ITPR1: variants seen among roughly 807,000 people sequenced by gnomAD.
ITPR1 encodes the protein inositol 1,4,5-trisphosphate receptor type 1.
A neutral mutation model predicts 318.4 loss-of-function variants in ITPR1; 96 were observed. The observed-to-expected ratio is 0.30, with a 90% confidence interval of 0.26 to 0.36. ITPR1 has a LOEUF of 0.36. Ranked by LOEUF, ITPR1 falls within the 10% of genes least tolerant of loss-of-function variation. The pLI, the probability that ITPR1 is intolerant of heterozygous loss-of-function variation, is 1.00. For synonymous variants in ITPR1, 1,312 were observed against 1,289.9 expected, an observed-to-expected ratio of 1.02 and a Z score of -0.37; for missense variants, 2,440 against 3,460.2, an observed-to-expected ratio of 0.71 and a Z score of 7.40.
At chr3:4,558,560 G>A (rs1235222659) in intron 4 of ITPR1, among the ~76,000 whole-genome samples, 2 of 152,150 alleles carry the variant, frequency 1.3e-5, no homozygotes, top group East Asian at 3.8e-4. Flanking sequence ...AAGAGTTATT[G>A]TAGGTGATGC....
At chr3:4,631,163 C>T (rs1445129757) in intron 5 of ITPR1, among the ~76,000 whole-genome samples, 3 of 152,170 alleles carry the variant, frequency 2.0e-5, no homozygotes, top group Non-Finnish European at 4.4e-5. Flanking sequence ...GAGCTCTCAG[C>T]TCTTTGGGCG....
chr3:4,625,619 T>TCCAC (rs2092798903), intron 4 of ITPR1, among the ~76,000 whole-genome samples: 2 of 151,842 alleles, frequency 1.3e-5, no homozygotes, highest in Admixed American at 1.3e-4. Flanking sequence ...TGCAGTGGTG[T>TCCAC]GATCTCGGCT....
intron 4 of ITPR1, among the ~76,000 whole-genome samples, chr3:4,599,958 A>G (rs1185409190): frequency 6.6e-6 from 1 of 152,094 alleles, no homozygotes; most frequent in East Asian, 1.9e-4. Flanking sequence ...CCTCCTGCCC[A>G]TTGGTTGTCC....
intron 5 of ITPR1, among the ~76,000 whole-genome samples, chr3:4,628,414 C>T (rs547389597): frequency 6.6e-6 from 1 of 152,270 alleles, no homozygotes; most frequent in African/African-American, 2.4e-5. Context: ...GTGCTCATTC[C>T]ACTGCTGACG....
chr3:4,835,319 T>C (rs1270692830), intron 60 of ITPR1, among the ~76,000 whole-genome samples: 1 of 152,244 alleles, frequency 6.6e-6, no homozygotes. Flanking sequence ...TTAAATATAT[T>C]GATGCCTTCT....
intron 44 of ITPR1, among the ~76,000 whole-genome samples, chr3:4,765,748 G>A (rs962539408): frequency 1.3e-5 from 2 of 152,054 alleles, no homozygotes; most frequent in African/African-American, 2.4e-5. Flanking sequence ...GGTGAAAAGC[G>A]AATACTCATA....
At chr3:4,676,201 T>A (rs1395149885) in intron 23 of ITPR1, among the ~76,000 whole-genome samples, 2 of 148,806 alleles carry the variant, frequency 1.3e-5, no homozygotes, top group African/African-American at 2.5e-5. Context: ...AAAAATTAGC[T>A]GGGTGTGGTG....
rs571446091 is a variant in ITPR1 at position 4,654,478 on chromosome 3, G to A, written c.996+592G>A. Among the ~76,000 whole-genome samples the A allele has an allele frequency of 1.3e-4, 20 of 152,300 alleles. No homozygotes were observed. In the East Asian group the frequency reaches 3.1e-3, roughly 24 times the overall value. On this transcript the variant is annotated intron_variant, in intron 12 of 61. Coordinates refer to ENST00000649015, the MANE Select transcript of ITPR1 (RefSeq NM_001378452.1). ...CCATATCGCCAAGTAATGCTGATAC[G>A]TAGACACTTTGGACTTCAGGTGTCC... is the stretch of plus-strand genomic sequence containing the variant.
chr3:4,842,165 G>A (rs543531641), intron 61 of ITPR1, among the ~76,000 whole-genome samples: 6 of 152,208 alleles, frequency 3.9e-5, no homozygotes, highest in African/African-American at 4.8e-5. Flanking sequence ...TGTATGCCTC[G>A]TGTTTTCATG....
chr3:4,766,221 G>A (rs113796051), intron 44 of ITPR1, among the ~76,000 whole-genome samples: 2,594 of 152,268 alleles, frequency 0.017, 44 homozygotes, highest in South Asian at 0.062. Flanking sequence ...GTTGTTTTGC[G>A]TGTGTGCAAG....
chr3:4,831,119 T>TCACACA (rs1473145180), intron 60 of ITPR1: 160 of 272,200 alleles, frequency 5.9e-4, no homozygotes, highest in African/African-American at 9.8e-4. Context: ...TCTCTCTCTC[T>TCACACA]CTCTCTCTCT....
At chr3:4,746,573 G>A (rs2044124195) in intron 44 of ITPR1, among the ~76,000 whole-genome samples, 2 of 152,156 alleles carry the variant, frequency 1.3e-5, no homozygotes, top group African/African-American at 4.8e-5. Context: ...TTCATTTACT[G>A]TAGTAATGAC....
intron 44 of ITPR1, among the ~76,000 whole-genome samples, chr3:4,745,905 A>T (rs971022664): frequency 1.1e-4 from 17 of 152,232 alleles, no homozygotes; most frequent in African/African-American, 4.1e-4. Context: ...GAAGCTTTGC[A>T]GTCATCAGAC....
chr3:4,789,141 C>T (rs1289173445), intron 52 of ITPR1, among the ~76,000 whole-genome samples: 2 of 152,324 alleles, frequency 1.3e-5, no homozygotes, highest in Admixed American at 6.5e-5. Flanking sequence ...TGTACTCTTG[C>T]TCGTCTCTAA....
intron 2 of ITPR1, among the ~76,000 whole-genome samples, chr3:4,500,610 T>C (rs2080946874): frequency 1.3e-5 from 2 of 152,318 alleles, no homozygotes; most frequent in Middle Eastern, 6.8e-3. Flanking sequence ...AACTTGAATT[T>C]CCTAGGTGAA....
chr3:4,635,580 T>C (rs530473560), intron 5 of ITPR1, among the ~76,000 whole-genome samples: 254 of 151,624 alleles, frequency 1.7e-3, no homozygotes, highest in African/African-American at 5.7e-3. Flanking sequence ...CTCCTGACCT[T>C]GTGATCTGCC....
At chr3:4,782,450 C>T (rs532054551) in intron 49 of ITPR1, 169 bp from the exon 50 acceptor site, 66 of 533,970 alleles carry the variant, frequency 1.2e-4, no homozygotes, top group Non-Finnish European at 2.1e-4. Context: ...GTATTGATGG[C>T]CTGTGCCAGT....
At chr3:4,521,583 C>T (rs890060514) in intron 4 of ITPR1, among the ~76,000 whole-genome samples, 4 of 152,144 alleles carry the variant, frequency 2.6e-5, no homozygotes, top group East Asian at 1.9e-4. Context: ...GGCACAGTGG[C>T]GCATGCTTGT....
intron 4 of ITPR1, among the ~76,000 whole-genome samples, chr3:4,570,981 C>T (rs2087915027): frequency 2.0e-5 from 3 of 152,188 alleles, no homozygotes; most frequent in South Asian, 4.1e-4. Flanking sequence ...TGCTGTTGGA[C>T]AGAGTGAGGT....
Sources: allele counts gnomAD v4.1 joint callset (sites outside exome capture counted in the v4.1 genomes callset), GRCh38; gene constraint gnomAD v4.1.1; transcripts MANE v1.5; gene names NCBI Gene and HGNC (gene_info 2026-07-23, HGNC 2026-07-21).